Variants in PIAS4 observed in about 807,000 individuals in gnomAD.
The protein encoded by PIAS4 is E3 SUMO-protein ligase PIAS4.
In PIAS4, 7 loss-of-function variants were observed where a neutral mutation model predicts 58.0. The ratio of observed to expected loss-of-function variants is 0.12; its 90% CI spans 0.07 to 0.23. The LOEUF (loss-of-function observed/expected upper bound fraction) is 0.23. Ranked by LOEUF, PIAS4 falls within the 10% of genes least tolerant of loss-of-function variation. The pLI is 1.00. For synonymous variants in PIAS4, 364 were observed against 312.4 expected (o/e 1.17, Z -1.74); for missense variants, 550 against 709.5 (o/e 0.78, Z 2.55).
chr19:4,033,348 TG>T, intron 8 of PIAS4, 71 bp from the exon 9 acceptor site: 2 of 1,438,924 alleles, frequency 1.4e-6, no homozygotes, highest in Non-Finnish European at 1.9e-6. Flanking sequence ...AGGATGGAGC[TG>T]GGGGTGAGGG....
intron 1 of PIAS4, among the ~76,000 whole-genome samples, chr19:4,011,282 A>G (rs940530206): frequency 6.6e-6 from 1 of 152,170 alleles, no homozygotes; most frequent in African/African-American, 2.4e-5. Flanking sequence ...TTCCCACCAC[A>G]TCTCATTCAT....
chr19:4,027,925 C>T (rs2144929033), intron 3 of PIAS4, among the ~76,000 whole-genome samples: 1 of 152,162 alleles, frequency 6.6e-6, no homozygotes, highest in Middle Eastern at 3.4e-3. Flanking sequence ...CAGGGTTTTG[C>T]TGTGGATTCT....
Position 4,038,201 on chromosome 19 carries a change from C to T in PIAS4, c.*326C>T, listed in dbSNP as rs370104068. 6.2e-5 allele frequency: 18 copies of T among 289,946 alleles called. No homozygotes were observed. Among genetic ancestry groups the T allele is most frequent in the East Asian group, 4.5e-4 (4 of 8,892 alleles). 18.0% of individuals were successfully genotyped at this position (289,946 alleles called of 1,614,324 possible). ...GGGTAGTGGGCGGGAGGGACCAGGA[C>T]GCCGCCCCGCGCCCTCCCCTCCGGA... On this transcript the variant is annotated 3_prime_UTR_variant, in exon 11 of 11. Transcript: ENST00000262971. This position sits in a 1 kb window ranked among gnomAD's most constrained non-coding sequence, Gnocchi z 4.1.
At position 4,028,868 on chromosome 19, in the gene PIAS4, C is replaced by T. The variant is rs1269696378; in HGVS notation, c.801+20C>T. 5.0e-6 allele frequency: 8 copies of T among 1,612,814 alleles called. No individual in the cohort carries two copies. The highest frequency in any genetic ancestry group is 6.8e-6 in the Non-Finnish European group (8 of 1,179,640). On this transcript the variant is annotated intron_variant, in intron 6 of 10. Coordinates refer to ENST00000262971, the MANE Select transcript of PIAS4 (RefSeq NM_015897.4). ...GGCAAGGTGAGTGCGTGCCCGGGTGCCCACCCTGCCCCCCAACCCCGGCCC... is the reference window on the plus strand; with the variant it reads ...GGCAAGGTGAGTGCGTGCCCGGGTGTCCACCCTGCCCCCCAACCCCGGCCC...
At position 4,037,617 on chromosome 19, in the gene PIAS4, C is replaced by A; in HGVS notation, c.1275C>A (p.Gly425=). 1 of 1,609,954 alleles carries A rather than the reference C, an allele frequency of 6.2e-7. No individual in the cohort carries two copies. The highest frequency in any genetic ancestry group is 1.6e-4 in the Middle Eastern group (1 of 6,062). ...CSPQGAILVL[G]PSDANGLLPA... ...GCACCCTGTCCCTGTTGCCCGTAGGCCCCTCGGACGCCAATGGGCTCCTGC... is the reference window on the plus strand; with the variant it reads ...GCACCCTGTCCCTGTTGCCCGTAGGACCCTCGGACGCCAATGGGCTCCTGC... Residue 425 remains glycine (G), a splice_region_variant and synonymous_variant, in exon 11 of 11, where the codon GGC becomes GGA. Transcript: ENST00000262971. This position sits in a 1 kb window ranked among gnomAD's most constrained non-coding sequence, Gnocchi z 5.8.
chr19:4,012,350 A>C (rs2040004435), intron 1 of PIAS4, among the ~76,000 whole-genome samples: 1 of 152,078 alleles, frequency 6.6e-6, no homozygotes, highest in African/African-American at 2.4e-5. Context: ...CCAGCCTAGC[A>C]GGGGTGTTTT....
intron 9 of PIAS4, among the ~76,000 whole-genome samples, chr19:4,036,250 CCAT>C (rs2040283517): frequency 7.8e-6 from 1 of 128,338 alleles, no homozygotes; most frequent in African/African-American, 2.5e-5. Context: ...ACAGTCCACA[CCAT>C]CACATGCACA....
In PIAS4 at chr19:4,037,344, C is replaced by T. The variant is rs778531516; in HGVS notation, c.1143-30C>T. On this transcript the variant is annotated intron_variant, in intron 9 of 10. Coordinates refer to ENST00000262971, the MANE Select transcript of PIAS4 (RefSeq NM_015897.4). This position sits in a 1 kb window ranked among gnomAD's most constrained non-coding sequence, Gnocchi z 5.8. The stretch of plus-strand genomic sequence containing the variant: ...AGTTGGGGGGGTGGGGCACCTCCAG[C>T]CCCGGCGTCAGCTGTCCGCCTCGCC... The T allele has an allele frequency of 6.3e-7, 1 of 1,582,286 alleles. No individual in the cohort carries two copies. The highest frequency in any genetic ancestry group is 1.1e-5 in the South Asian group (1 of 88,138).
Position 4,038,445 on chromosome 19 carries a change from G to A in PIAS4, c.*570G>A, listed in dbSNP as rs989509235. 6.6e-6 allele frequency: 1 copy of A among 151,594 alleles called. No individual in the cohort carries two copies. Among genetic ancestry groups the A allele is most frequent in the African/African-American group, 2.4e-5 (1 of 41,238 alleles). The allele number at this position is 151,594 out of a possible 1,614,324, so 9.4% of individuals were successfully genotyped here. Reference sequence around the variant, plus strand: ...CATGGAGTGGGTTGGGGCGGGGAGGGGCAGTAGGGTGGGGGGATGGGTGGG... The same window carrying A: ...CATGGAGTGGGTTGGGGCGGGGAGGAGCAGTAGGGTGGGGGGATGGGTGGG... On this transcript the variant is annotated 3_prime_UTR_variant, in exon 11 of 11. Coordinates refer to ENST00000262971, the MANE Select transcript of PIAS4 (RefSeq NM_015897.4). The surrounding 1 kb of genome is among the most constrained non-coding windows in gnomAD (Gnocchi z 4.1).
rs1450883689 is a variant in PIAS4, at chr19:4,037,774, G to T, written c.1432G>T (p.Asp478Tyr). The T allele has an allele frequency of 1.2e-6, 2 of 1,604,698 alleles. No homozygotes were observed. Among genetic ancestry groups the T allele is most frequent in the Non-Finnish European group, 1.7e-6 (2 of 1,176,198 alleles). ...GCTGGACAGCTCATCGTCCTCGGAGGATGAGGAGGAGGAGGAAGAGGAGGA... is the reference window on the plus strand; with the variant it reads ...GCTGGACAGCTCATCGTCCTCGGAGTATGAGGAGGAGGAGGAAGAGGAGGA... ...LTLDSSSSSE[D>Y]EEEEEEEEED... The change falls in exon 11 of 11, where the codon GAT becomes TAT. Residue 478 changes from aspartate (D) to tyrosine (Y), a missense_variant. Asp to Tyr is a radical substitution (Grantham distance 160). Coordinates refer to ENST00000262971, the MANE Select transcript of PIAS4 (RefSeq NM_015897.4). This position sits in a 1 kb window ranked among gnomAD's most constrained non-coding sequence, Gnocchi z 5.8.
intron 9 of PIAS4, among the ~76,000 whole-genome samples, chr19:4,035,910 TCTC>T (rs2040273282): frequency 0.015 from 7 of 478 alleles, no homozygotes; most frequent in African/African-American, 0.023. Context: ...GTCCACACCG[TCTC>T]ACACACACAC....
Position 4,028,914 on chromosome 19 carries a change from C to T in PIAS4, c.802-17C>T, listed in dbSNP as rs1261638567. 6.2e-7 allele frequency: 1 copy of T among 1,612,326 alleles called. No homozygotes were observed. Among genetic ancestry groups the T allele is most frequent in the Admixed American group, 1.7e-5 (1 of 59,910 alleles). On this transcript the variant is annotated splice_polypyrimidine_tract_variant and intron_variant, in intron 6 of 10. Coordinates refer to ENST00000262971, the MANE Select transcript of PIAS4 (RefSeq NM_015897.4). Reference sequence around the variant, plus strand: ...GGCCCCGTCCTGCCAGCCCTGACCCCTTCCTTCTGTCCCCAGAGCTACTCG... The same window carrying T: ...GGCCCCGTCCTGCCAGCCCTGACCCTTTCCTTCTGTCCCCAGAGCTACTCG...
intron 7 of PIAS4, among the ~76,000 whole-genome samples, chr19:4,031,085 G>T (rs940944209): frequency 6.6e-6 from 1 of 152,084 alleles, no homozygotes; most frequent in Non-Finnish European, 1.5e-5. Flanking sequence ...TCTTCCAGCT[G>T]CCCCTCCTAG....
At chr19:4,030,225 A>C (rs2040210623) in intron 7 of PIAS4, among the ~76,000 whole-genome samples, 1 of 151,802 alleles carries the variant, frequency 6.6e-6, no homozygotes, top group Non-Finnish European at 1.5e-5. Context: ...AATCTCCCAA[A>C]GTGCTGGGAT....
intron 7 of PIAS4, among the ~76,000 whole-genome samples, chr19:4,032,868 T>G (rs2040235206): frequency 6.6e-6 from 1 of 152,168 alleles, no homozygotes; most frequent in South Asian, 2.1e-4. Flanking sequence ...CACCTCCGTG[T>G]GGGGGCTTCG....
intron 3 of PIAS4, among the ~76,000 whole-genome samples, chr19:4,026,354 A>G (rs1255032753): frequency 6.7e-6 from 1 of 150,196 alleles, no homozygotes; most frequent in Non-Finnish European, 1.5e-5. Context: ...GATGATCTCA[A>G]TCTCTTGACC....
chr19:4,024,765 T>G (rs1217413301), intron 3 of PIAS4, among the ~76,000 whole-genome samples: 10 of 4,026 alleles, frequency 2.5e-3, no homozygotes, highest in Non-Finnish European at 0.021. Context: ...TTTTTTTGTT[T>G]TTTTTTTTTG....
chr19:4,016,315 C>G (rs568591230), intron 2 of PIAS4, among the ~76,000 whole-genome samples: 1 of 152,230 alleles, frequency 6.6e-6, no homozygotes, highest in African/African-American at 2.4e-5. Context: ...GCGGGCACCC[C>G]GAGGAATCTG....
chr19:4,037,282 G>GT lies in PIAS4; in HGVS notation c.1143-91dup. Reference sequence around the variant, plus strand: ...CTGCTCTTGCAGAGAGAAGTGGGGAGTGCCTGGCTGCATCCGGGAGGGATG... The same window carrying GT: ...CTGCTCTTGCAGAGAGAAGTGGGGAGTTGCCTGGCTGCATCCGGGAGGGATG... On this transcript the variant is annotated intron_variant, in intron 9 of 10. Transcript: ENST00000262971. This position sits in a 1 kb window ranked among gnomAD's most constrained non-coding sequence, Gnocchi z 5.8. 2 of 1,473,654 alleles carry GT rather than the reference G, an allele frequency of 1.4e-6. No individual in the cohort carries two copies. The highest frequency in any genetic ancestry group is 1.8e-6 in the Non-Finnish European group (2 of 1,097,900). The allele number at this position is 1,473,654 out of a possible 1,614,324, so 91.3% of individuals were successfully genotyped here. A position where few individuals can be genotyped will look rare whatever the true frequency, so the allele number is the denominator to read the frequency against.
Sources: gnomAD v4.1 joint callset for allele counts (sites outside exome capture counted in the v4.1 genomes callset) on GRCh38, gnomAD v4.1.1 for gene constraint, Gnocchi (gnomAD v3.1) non-coding constraint, MANE v1.5 for transcripts, NCBI Gene and HGNC (gene_info 2026-07-23, HGNC 2026-07-21) for gene names.